CEP85L: variants seen among roughly 807,000 people sequenced by gnomAD.
CEP85L encodes the protein centrosomal protein 85L.
In CEP85L, 60 loss-of-function variants were observed where a neutral mutation model predicts 100.3. The observed-to-expected ratio is 0.60, with a 90% CI of 0.49 to 0.74. The LOEUF (loss-of-function observed/expected upper bound fraction) is 0.74. CEP85L is among the 30% of genes least tolerant of loss of function. CEP85L has a pLI of 0.00. For missense variants in CEP85L, 973 were observed against 936.2 expected, an observed-to-expected ratio of 1.04 and a Z score of -0.51; for synonymous variants, 319 against 322.7, an observed-to-expected ratio of 0.99 and a Z score of 0.12.
At chr6:118,515,913 A>G (rs541286111) in intron 4 of CEP85L, among the ~76,000 whole-genome samples, 1 of 152,036 alleles carries the variant, frequency 6.6e-6, no homozygotes, top group East Asian at 1.9e-4. Context: ...CCCCACCCCC[A>G]GATAGGCCCT....
At chr6:118,575,345 ACATT>A (rs1780162277) in intron 2 of CEP85L, among the ~76,000 whole-genome samples, 1 of 152,184 alleles carries the variant, frequency 6.6e-6, no homozygotes, top group South Asian at 2.1e-4. Flanking sequence ...CTACTCTCAA[ACATT>A]CAGTTTTCTG....
At chr6:118,677,227 T>C (rs936648796) in intron 1 of CEP85L, among the ~76,000 whole-genome samples, 7 of 152,164 alleles carry the variant, frequency 4.6e-5, no homozygotes, top group African/African-American at 1.7e-4. Context: ...CACAATTCCT[T>C]AATCAAAAGA....
chr6:118,655,893 C>A (rs749395305), upstream of CEP85L, among the ~76,000 whole-genome samples: 16 of 152,078 alleles, frequency 1.1e-4, no homozygotes, highest in Non-Finnish European at 1.9e-4. Flanking sequence ...GGAAAAAAGA[C>A]CAAAGAGAAG....
At chr6:118,491,605 C>T (rs1774577528) in intron 6 of CEP85L, 81 bp downstream of exon 6, 1 of 1,529,216 alleles carries the variant, frequency 6.5e-7, no homozygotes, top group Non-Finnish European at 8.8e-7. Flanking sequence ...GGCATGACAC[C>T]TGACAGGGTA....
At chr6:118,572,419 A>G (rs534492214) in intron 2 of CEP85L, among the ~76,000 whole-genome samples, 229 of 152,100 alleles carry the variant, frequency 1.5e-3, no homozygotes, top group Non-Finnish European at 2.6e-3. Flanking sequence ...CAAACACAAA[A>G]AAATTAGCAG....
chr6:118,653,035 G>C (rs1479325596), upstream of CEP85L, among the ~76,000 whole-genome samples: 5 of 152,046 alleles, frequency 3.3e-5, no homozygotes, highest in African/African-American at 1.2e-4. Context: ...TTGTGATGCA[G>C]TTCTAAGAAG....
At chr6:118,485,891 G>A (rs2114566744) in intron 6 of CEP85L, among the ~76,000 whole-genome samples, 1 of 152,266 alleles carries the variant, frequency 6.6e-6, no homozygotes. Context: ...CTCTAACTTG[G>A]ACTCAACTGT....
At chr6:118,494,475 C>G (rs1327225556) in intron 5 of CEP85L, among the ~76,000 whole-genome samples, 2 of 152,178 alleles carry the variant, frequency 1.3e-5, no homozygotes, top group Non-Finnish European at 2.9e-5. Flanking sequence ...TAACCCAACT[C>G]CAGCCAACTC....
At chr6:118,681,657 T>C (rs919732186) in intron 1 of CEP85L, among the ~76,000 whole-genome samples, 1 of 151,936 alleles carries the variant, frequency 6.6e-6, no homozygotes, top group African/African-American at 2.4e-5. Flanking sequence ...GGGATAGAGT[T>C]TTAAGAATAT....
chr6:118,703,616 C>T (rs936269860), intron 1 of CEP85L, among the ~76,000 whole-genome samples: 11 of 152,176 alleles, frequency 7.2e-5, no homozygotes, highest in African/African-American at 1.7e-4. Context: ...TGTAACTTCA[C>T]GCATCCCTGT....
At chr6:118,602,233 C>A (rs1781823917) in intron 2 of CEP85L, among the ~76,000 whole-genome samples, 1 of 152,144 alleles carries the variant, frequency 6.6e-6, no homozygotes, top group African/African-American at 2.4e-5. Context: ...AAGGTCCATT[C>A]ATAACTCTTT....
chr6:118,606,608 C>T (rs1157453170), intron 2 of CEP85L, among the ~76,000 whole-genome samples: 1 of 152,206 alleles, frequency 6.6e-6, no homozygotes, highest in Non-Finnish European at 1.5e-5. Context: ...AGTACTGCCA[C>T]GTGGTTACAA....
intron 10 of CEP85L, among the ~76,000 whole-genome samples, chr6:118,476,996 AATGC>A (rs1164805352): frequency 6.6e-6 from 1 of 152,206 alleles, no homozygotes; most frequent in Non-Finnish European, 1.5e-5. Flanking sequence ...GAAGGAAAGT[AATGC>A]CCAATGAAGA....
intron 12 of CEP85L, 104 bp from the exon 13 acceptor site, chr6:118,465,672 A>G (rs1772461812): frequency 1.0e-6 from 1 of 1,001,304 alleles, no homozygotes; most frequent in Non-Finnish European, 1.5e-6. Context: ...TACACACTGA[A>G]TACCAGTGAG....
chr6:118,700,821 T>C (rs1172252232), intron 1 of CEP85L, among the ~76,000 whole-genome samples: 1 of 152,186 alleles, frequency 6.6e-6, no homozygotes, highest in Non-Finnish European at 1.5e-5. Flanking sequence ...TGGTAAAACC[T>C]GTGTGAAATT....
intron 4 of CEP85L, among the ~76,000 whole-genome samples, chr6:118,515,077 G>C (rs528574860): frequency 1.3e-5 from 2 of 151,756 alleles, no homozygotes; most frequent in East Asian, 1.9e-4. Context: ...TCTTGGTGTT[G>C]GAATTACAGA....
At chr6:118,560,093 T>C (rs905583911) in intron 3 of CEP85L, 1 of 167,028 alleles carries the variant, frequency 6.0e-6, no homozygotes. Context: ...TTTTTAAAAA[T>C]ATATGAATTC....
Position 118,566,330 on chromosome 6 carries a change from A to T in CEP85L, c.233-14T>A. The T allele has an allele frequency of 6.3e-7, 1 of 1,595,054 alleles. No homozygotes were observed. Among genetic ancestry groups the T allele is most frequent in the Non-Finnish European group, 8.5e-7 (1 of 1,171,094 alleles). ...AAGTTGAATGATCTGGAAAGAAAAA[A>T]GATGGTCAAATTAGTTACAATTAAC... On this transcript the variant is annotated splice_polypyrimidine_tract_variant and intron_variant, in intron 2 of 12. Coordinates refer to ENST00000368491, the MANE Select transcript of CEP85L (RefSeq NM_001042475.3).
At chr6:118,632,380 T>A (rs1223516523) in intron 2 of CEP85L, 73 bp downstream of exon 2, 14 of 1,126,534 alleles carry the variant, frequency 1.2e-5, no homozygotes, top group Non-Finnish European at 1.4e-5. Flanking sequence ...CAATAAAACA[T>A]ATCCCCTGAA....
Sources: gnomAD v4.1 joint callset for allele counts (sites outside exome capture counted in the v4.1 genomes callset) on GRCh38, gnomAD v4.1.1 for gene constraint, MANE v1.5 for transcripts, NCBI Gene and HGNC (gene_info 2026-07-23, HGNC 2026-07-21) for gene names.